KAZN: variants seen among roughly 807,000 people sequenced by gnomAD.
KAZN encodes the protein kazrin, periplakin interacting protein, also known as kazrin.
KAZN carries 40 observed loss-of-function variants against 87.4 expected under a neutral mutation model. That is an observed-to-expected ratio of 0.46 (90% CI 0.36 to 0.60). The LOEUF is 0.60. Among genes scored for constraint, KAZN ranks in the 20% least tolerant of loss-of-function variants. KAZN has a pLI of 0.00. For missense variants in KAZN, 898 were observed against 1,073.9 expected (o/e 0.84, Z 2.29); for synonymous variants, 466 against 458.3 (o/e 1.02, Z -0.22).
chr1:14,717,501 CT>C (rs1380348477), intron 1 of KAZN, among the ~76,000 whole-genome samples: 1 of 152,148 alleles, frequency 6.6e-6, no homozygotes, highest in East Asian at 1.9e-4. Context: ...ATCTCTGCCC[CT>C]ATCTTCTGTG....
chr1:14,920,725 A>G (rs1019033649), intron 1 of KAZN, among the ~76,000 whole-genome samples: 7 of 152,210 alleles, frequency 4.6e-5, no homozygotes, highest in African/African-American at 1.4e-4. Context: ...CCTTCTGAGC[A>G]CGGGGCCCAG....
At chr1:15,005,791 C>A (rs372064445) in intron 2 of KAZN, among the ~76,000 whole-genome samples, 11 of 145,756 alleles carry the variant, frequency 7.5e-5, no homozygotes, top group Non-Finnish European at 1.1e-4. Flanking sequence ...ACTCCGTCTC[C>A]AAAAAAAAAA....
At chr1:14,248,848 C>T (rs767212310) in intron 2 of KAZN, among the ~76,000 whole-genome samples, 14 of 152,134 alleles carry the variant, frequency 9.2e-5, no homozygotes, top group South Asian at 4.1e-4. Context: ...GCAGCTTCTA[C>T]GTTGTTCATG....
chr1:14,817,766 A>G (rs1282493001), intron 1 of KAZN, among the ~76,000 whole-genome samples: 2 of 133,412 alleles, frequency 1.5e-5, no homozygotes, highest in Non-Finnish European at 3.1e-5. Context: ...AGAGCTTTGC[A>G]TTTCTAAATA....
At chr1:14,310,960 T>A (rs1050907355) in intron 2 of KAZN, among the ~76,000 whole-genome samples, 1 of 152,180 alleles carries the variant, frequency 6.6e-6, no homozygotes, top group African/African-American at 2.4e-5. Flanking sequence ...GGGGCGGTGT[T>A]TTAGAAGTTC....
chr1:14,656,237 T>A (rs537988331), intron 1 of KAZN, among the ~76,000 whole-genome samples: 1 of 152,152 alleles, frequency 6.6e-6, no homozygotes, highest in South Asian at 2.1e-4. Flanking sequence ...GCATTTGCCA[T>A]CAGGGAGGGA....
intron 1 of KAZN, among the ~76,000 whole-genome samples, chr1:14,954,570 C>T (rs949049123): frequency 2.0e-5 from 3 of 152,230 alleles, no homozygotes; most frequent in Non-Finnish European, 2.9e-5. Context: ...TCTGGATCTG[C>T]ACTGTCCGGT....
chr1:14,170,748 G>A (rs996318946), intron 1 of KAZN, among the ~76,000 whole-genome samples: 12 of 150,718 alleles, frequency 8.0e-5, no homozygotes, highest in Non-Finnish European at 8.8e-5. Context: ...CTGAGACAGA[G>A]TCTCACTCTG....
At chr1:14,942,684 G>A (rs1661235047) in intron 1 of KAZN, among the ~76,000 whole-genome samples, 1 of 152,180 alleles carries the variant, frequency 6.6e-6, no homozygotes, top group Admixed American at 6.5e-5. Context: ...CTTGATGGAA[G>A]GACGCTTTTG....
intron 2 of KAZN, among the ~76,000 whole-genome samples, chr1:14,356,617 G>A (rs1659050194): frequency 6.6e-6 from 1 of 152,142 alleles, no homozygotes; most frequent in East Asian, 1.9e-4. Flanking sequence ...GTGTAAGGAA[G>A]GGGTCCAGTT....
intron 2 of KAZN, among the ~76,000 whole-genome samples, chr1:14,544,738 TAAAAAAA>T (rs58351260): frequency 7.3e-6 from 1 of 137,784 alleles, no homozygotes; most frequent in East Asian, 2.1e-4. Flanking sequence ...CTTCTTTATT[TAAAAAAA>T]AAAAAAAAAA....
chr1:14,864,399 C>T (rs1651215426), intron 1 of KAZN, among the ~76,000 whole-genome samples: 1 of 152,100 alleles, frequency 6.6e-6, no homozygotes, highest in South Asian at 2.1e-4. Flanking sequence ...CCCGTCTCTA[C>T]TAAAACTACA....
chr1:14,901,459 G>A (rs1655882599), intron 1 of KAZN, among the ~76,000 whole-genome samples: 1 of 152,124 alleles, frequency 6.6e-6, no homozygotes. Flanking sequence ...GGAAGCCAGT[G>A]GAGGACCCCA....
chr1:14,850,172 G>A (rs1300246818), intron 1 of KAZN, among the ~76,000 whole-genome samples: 1 of 152,112 alleles, frequency 6.6e-6, no homozygotes, highest in Non-Finnish European at 1.5e-5. Flanking sequence ...TTGACCTCGT[G>A]ATCCGCCTGC....
rs1571224050 is a variant in KAZN, at chr1:14,286,544, G to T, written c.249+105952G>T. Reference sequence around the variant, plus strand: ...CCATCCATGTACAGCATTTAGTACAGTCACACTTAATAAATATTAGCCATT... The same window carrying T: ...CCATCCATGTACAGCATTTAGTACATTCACACTTAATAAATATTAGCCATT... On this transcript the variant is annotated intron_variant, in intron 2 of 16. Transcript: ENST00000636203. 2.0e-5 allele frequency among the ~76,000 whole-genome samples: 3 copies of T among 152,182 alleles called. No homozygotes were observed. In the East Asian group the frequency reaches 5.8e-4, roughly 29 times the overall value.
chr1:14,550,407 G>T (rs1459510537), intron 2 of KAZN, among the ~76,000 whole-genome samples: 1 of 152,198 alleles, frequency 6.6e-6, no homozygotes. Context: ...GCCAGGCAGA[G>T]ATCTGGGTGA....
chr1:14,956,796 G>T (rs1168466329), intron 1 of KAZN, among the ~76,000 whole-genome samples: 1 of 152,110 alleles, frequency 6.6e-6, no homozygotes, highest in East Asian at 1.9e-4. Flanking sequence ...CAGCCTTGGC[G>T]ACTGCTAGAG....
At chr1:14,278,658 C>T (rs967903987) in intron 2 of KAZN, among the ~76,000 whole-genome samples, 3 of 152,110 alleles carry the variant, frequency 2.0e-5, no homozygotes, top group Non-Finnish European at 4.4e-5. Context: ...CATTTTTTAT[C>T]TGTTGATTGA....
intron 2 of KAZN, among the ~76,000 whole-genome samples, chr1:15,032,868 G>A (rs1005559430): frequency 6.6e-6 from 1 of 151,824 alleles, no homozygotes. Flanking sequence ...AGAATCACTC[G>A]AACCCGGGAG....
Sources: allele counts gnomAD v4.1 joint callset (sites outside exome capture counted in the v4.1 genomes callset), GRCh38; gene constraint gnomAD v4.1.1; transcripts MANE v1.5; gene names NCBI Gene and HGNC (gene_info 2026-07-23, HGNC 2026-07-21).